The following COL5A2 variants were observed in gnomAD, a reference collection of about 807,000 sequenced individuals.
COL5A2 encodes the protein collagen type V alpha 2 chain.
Under a neutral mutation model 208.2 loss-of-function variants are expected in COL5A2, and 23 were observed. The ratio of observed to expected loss-of-function variants is 0.11; its 90% CI spans 0.08 to 0.16. COL5A2 has a LOEUF of 0.16. Ranked by LOEUF, COL5A2 falls within the 10% of genes least tolerant of loss-of-function variation. COL5A2 has a pLI of 1.00. For missense variants in COL5A2, 1,590 were observed against 1,956.4 expected, an observed-to-expected ratio of 0.81 and a Z score of 3.53; for synonymous variants, 625 against 628.5, an observed-to-expected ratio of 0.99 and a Z score of 0.08.
At chr2:189,241,701 T>C in the COL5A2 span, among the ~76,000 whole-genome samples, 1 of 152,116 alleles carries the variant, frequency 6.6e-6, no homozygotes, top group South Asian at 2.1e-4. Context: ...ATAATAAAAA[T>C]ATTTTTCCCA....
chr2:189,237,423 C>A, the COL5A2 span, among the ~76,000 whole-genome samples: 1 of 150,648 alleles, frequency 6.6e-6, no homozygotes. Flanking sequence ...GACAGCTGGG[C>A]TCAAGCAAAT....
intron 1 of COL5A2, among the ~76,000 whole-genome samples, chr2:189,144,078 C>G (rs1159283052): frequency 6.6e-6 from 1 of 152,068 alleles, no homozygotes; most frequent in Non-Finnish European, 1.5e-5. Flanking sequence ...CATCTGCAAA[C>G]CAGATGGTTA....
In COL5A2 at chr2:189,057,381, C is replaced by T; in HGVS notation, c.2276G>A (p.Gly759Asp). Residue 759 changes from glycine to aspartate, a missense_variant, in exon 34 of 54, where the codon GGT becomes GAT. By Grantham distance (94) the Gly-to-Asp change is moderately conservative. Coordinates refer to ENST00000374866, the MANE Select transcript of COL5A2 (RefSeq NM_000393.5). ...TCTTTCTCCCGGCATACCTTGAAGA[C>T]CTGGTGGGCCTGTATCTCCAGGGGT... ...SGTPGDTGPP[G>D]LQGMPGERGI... 1 of 1,612,864 alleles carries T rather than the reference C, an allele frequency of 6.2e-7. No homozygotes were observed. The highest frequency in any genetic ancestry group is 8.5e-7 in the Non-Finnish European group (1 of 1,179,796).
At chr2:189,319,090 T>C in the COL5A2 span, among the ~76,000 whole-genome samples, 2 of 152,240 alleles carry the variant, frequency 1.3e-5, no homozygotes, top group Admixed American at 6.5e-5. Context: ...CCTTGCCTGT[T>C]ACTGATTTTA....
the COL5A2 span, among the ~76,000 whole-genome samples, chr2:189,257,855 T>G: frequency 6.6e-6 from 1 of 152,084 alleles, no homozygotes; most frequent in Admixed American, 6.6e-5. Flanking sequence ...TGGTTCACAC[T>G]TGTAATCCCA....
At chr2:189,285,586 T>C in the COL5A2 span, among the ~76,000 whole-genome samples, 2 of 152,108 alleles carry the variant, frequency 1.3e-5, no homozygotes, top group African/African-American at 4.8e-5. Flanking sequence ...GAAGGTCACA[T>C]ACCACAGCTA....
the COL5A2 span, among the ~76,000 whole-genome samples, chr2:189,274,148 A>ATTTTTTTG: frequency 6.6e-6 from 1 of 152,158 alleles, no homozygotes; most frequent in Non-Finnish European, 1.5e-5. Flanking sequence ...TATTTTTTAA[A>ATTTTTTTG]ATAATGATAG....
the COL5A2 span, among the ~76,000 whole-genome samples, chr2:189,354,647 G>A: frequency 2.6e-5 from 4 of 151,834 alleles, no homozygotes; most frequent in Admixed American, 6.6e-5. Flanking sequence ...TTTTTTTATT[G>A]CATCTATTTG....
At chr2:189,086,554 A>G (rs1481981132) in intron 9 of COL5A2, among the ~76,000 whole-genome samples, 172 bp downstream of exon 9, 1 of 152,258 alleles carries the variant, frequency 6.6e-6, no homozygotes, top group African/African-American at 2.4e-5. Flanking sequence ...TTGCAAAGAC[A>G]TGTGGCATAT....
chr2:189,256,711 GT>G, the COL5A2 span, among the ~76,000 whole-genome samples: 1 of 152,144 alleles, frequency 6.6e-6, no homozygotes, highest in Non-Finnish European at 1.5e-5. Flanking sequence ...GAGTGCAGTG[GT>G]GCAATCTCAG....
intron 22 of COL5A2, 48 bp from the exon 23 acceptor site, chr2:189,066,545 G>T: frequency 1.3e-6 from 2 of 1,565,182 alleles, no homozygotes; most frequent in Non-Finnish European, 1.8e-6. Context: ...TCCAACCAGT[G>T]AATTATAGTT....
At chr2:189,367,508 A>C in the COL5A2 span, among the ~76,000 whole-genome samples, 1 of 152,246 alleles carries the variant, frequency 6.6e-6, no homozygotes, top group Non-Finnish European at 1.5e-5. Flanking sequence ...TTATATGGCC[A>C]GTGCTGTCAA....
the COL5A2 span, among the ~76,000 whole-genome samples, chr2:189,420,001 G>C: frequency 6.9e-6 from 1 of 144,392 alleles, no homozygotes; most frequent in African/African-American, 2.6e-5. Flanking sequence ...GGAGAGGAGA[G>C]AGGAGGAGGA....
intron 48 of COL5A2, among the ~76,000 whole-genome samples, 154 bp downstream of exon 48, chr2:189,042,997 T>C (rs965995139): frequency 6.6e-6 from 1 of 152,234 alleles, no homozygotes; most frequent in African/African-American, 2.4e-5. Context: ...AGCTTATTAT[T>C]GGCAATTATC....
the COL5A2 span, among the ~76,000 whole-genome samples, chr2:189,371,273 G>C: frequency 6.6e-6 from 1 of 152,148 alleles, no homozygotes; most frequent in South Asian, 2.1e-4. Flanking sequence ...TATCCCGTCA[G>C]GTATTCCTTT....
chr2:189,064,089 T>G (rs1686092419), intron 25 of COL5A2, 56 bp from the exon 26 acceptor site: 1 of 1,387,284 alleles, frequency 7.2e-7, no homozygotes, highest in South Asian at 1.2e-5. Flanking sequence ...GAAGTAAAGA[T>G]TCTTAAGAGT....
intron 1 of COL5A2, among the ~76,000 whole-genome samples, chr2:189,128,867 G>A (rs549014817): frequency 3.3e-5 from 5 of 151,884 alleles, no homozygotes; most frequent in South Asian, 2.1e-4. Context: ...GGGCACTTGC[G>A]TCCTTAGGAA....
At chr2:189,397,824 CATT>C in the COL5A2 span, among the ~76,000 whole-genome samples, 1 of 151,826 alleles carries the variant, frequency 6.6e-6, no homozygotes, top group African/African-American at 2.4e-5. Context: ...TTCTTATCCT[CATT>C]ATTTTCTTCT....
chr2:189,432,127 C>T, the COL5A2 span, among the ~76,000 whole-genome samples: 2 of 152,152 alleles, frequency 1.3e-5, no homozygotes, highest in African/African-American at 4.8e-5. Flanking sequence ...AAATGAAATC[C>T]TTTACCGACA....
Sources: allele counts gnomAD v4.1 joint callset (sites outside exome capture counted in the v4.1 genomes callset), GRCh38; gene constraint gnomAD v4.1.1; transcripts MANE v1.5; gene names NCBI Gene and HGNC (gene_info 2026-07-23, HGNC 2026-07-21).